The following AKT3 variants were observed in gnomAD, a reference collection of about 807,000 sequenced individuals.
AKT3 encodes the protein RAC-gamma serine/threonine-protein kinase.
AKT3 carries 15 observed loss-of-function variants against 65.3 expected under a neutral mutation model. The ratio of observed to expected loss-of-function variants is 0.23; its 90% CI spans 0.15 to 0.35. The LOEUF is 0.35. Among genes scored for constraint, AKT3 ranks in the 10% least tolerant of loss-of-function variants. AKT3 has a pLI of 1.00. For synonymous variants in AKT3, 206 were observed against 183.8 expected, an observed-to-expected ratio of 1.12 and a Z score of -0.98; for missense variants, 243 against 576.5, an observed-to-expected ratio of 0.42 and a Z score of 5.92.
intron 13 of AKT3, among the ~76,000 whole-genome samples, chr1:243,506,472 G>C (rs1227047628): frequency 6.6e-6 from 1 of 152,248 alleles, no homozygotes; most frequent in Non-Finnish European, 1.5e-5. Flanking sequence ...ATACAGGCCA[G>C]ATCCCACTGC....
At chr1:243,512,228 G>A in intron 13 of AKT3, 96 bp downstream of exon 13, 1 of 639,406 alleles carries the variant, frequency 1.6e-6, no homozygotes, top group South Asian at 2.3e-5. Flanking sequence ...ATTTGATCTT[G>A]AAAATATCAG....
chr1:243,636,231 T>A (rs1482404531), intron 6 of AKT3, among the ~76,000 whole-genome samples: 1 of 152,102 alleles, frequency 6.6e-6, no homozygotes, highest in South Asian at 2.1e-4. Context: ...TTTATAACAA[T>A]AGCATATTTT....
intron 12 of AKT3, among the ~76,000 whole-genome samples, chr1:243,539,546 T>C (rs1292984183): frequency 6.6e-6 from 1 of 152,106 alleles, no homozygotes; most frequent in Non-Finnish European, 1.5e-5. Flanking sequence ...ATAGATTCTT[T>C]CAAGTGTATA....
intron 9 of AKT3, among the ~76,000 whole-genome samples, chr1:243,565,257 A>G (rs1014420286): frequency 6.6e-6 from 1 of 152,188 alleles, no homozygotes; most frequent in Non-Finnish European, 1.5e-5. Flanking sequence ...TTTGAGACAG[A>G]GTCTCACTCT....
intron 2 of AKT3, among the ~76,000 whole-genome samples, chr1:243,822,049 A>T (rs985954218): frequency 6.6e-6 from 1 of 152,216 alleles, no homozygotes; most frequent in Non-Finnish European, 1.5e-5. Context: ...CTTCTAAGCA[A>T]ATGCAGGAAA....
At chr1:243,635,103 C>T (rs1679883578) in intron 6 of AKT3, among the ~76,000 whole-genome samples, 1 of 151,732 alleles carries the variant, frequency 6.6e-6, no homozygotes, top group Admixed American at 6.6e-5. Flanking sequence ...CTTTAAAAGA[C>T]AAATACAAAG....
chr1:243,576,790 G>T (rs1674974523), intron 8 of AKT3, among the ~76,000 whole-genome samples: 1 of 152,156 alleles, frequency 6.6e-6, no homozygotes. Context: ...TGGGAAAATG[G>T]CCATACTGGC....
At chr1:243,597,048 G>A (rs911947197) in intron 8 of AKT3, among the ~76,000 whole-genome samples, 2 of 152,202 alleles carry the variant, frequency 1.3e-5, no homozygotes, top group Non-Finnish European at 2.9e-5. Context: ...ACGTGTGGAT[G>A]TACTATGGGT....
chr1:243,831,646 A>G (rs1473753295), intron 2 of AKT3, among the ~76,000 whole-genome samples: 1 of 152,174 alleles, frequency 6.6e-6, no homozygotes, highest in Non-Finnish European at 1.5e-5. Context: ...AAGAGAGAAA[A>G]CACAAGTTCA....
intron 12 of AKT3, among the ~76,000 whole-genome samples, chr1:243,532,384 T>G (rs1367780506): frequency 1.3e-5 from 2 of 152,178 alleles, no homozygotes; most frequent in Admixed American, 1.3e-4. Context: ...AGGAGTGAAT[T>G]TTGTCAAATG....
chr1:243,785,312 T>C (rs960390432), intron 2 of AKT3, among the ~76,000 whole-genome samples: 1 of 151,826 alleles, frequency 6.6e-6, no homozygotes, highest in Non-Finnish European at 1.5e-5. Context: ...TCTCCTGACC[T>C]TGCGATCTGC....
At chr1:243,516,349 A>T (rs944217788) in intron 12 of AKT3, among the ~76,000 whole-genome samples, 2 of 152,216 alleles carry the variant, frequency 1.3e-5, no homozygotes, top group African/African-American at 4.8e-5. Flanking sequence ...CAGTGTCAAC[A>T]TTTATTATTT....
rs114854887 is a variant in AKT3 at position 243,603,547 on chromosome 1, T to A, written c.696+10124A>T. Among the ~76,000 whole-genome samples the A allele has an allele frequency of 5.2e-3, 791 of 152,256 alleles. 10 individuals carry two copies. Among genetic ancestry groups the A allele is most frequent in the African/African-American group, 0.018 (750 of 41,568 alleles). ...CTTACTCTGGCATTTCCAGGCACCA[T>A]CCTTGGCCACTGATGTTCTAACTGT... On this transcript the variant is annotated intron_variant, in intron 8 of 13. Transcript: ENST00000673466.
rs779840226 is a variant in AKT3, at chr1:243,563,883, T to C, written c.820-35A>G. 18 of 1,580,936 alleles carry C rather than the reference T, an allele frequency of 1.1e-5. No individual in the cohort carries two copies. In the East Asian group the frequency reaches 2.0e-4, roughly 18 times the overall value. ...AAGAAAAATGACATAATTTGTTCTA[T>C]AGTCTTCAACAACATGAAAATACCA... On this transcript the variant is annotated intron_variant, in intron 9 of 13. Coordinates refer to ENST00000673466, the MANE Select transcript of AKT3 (RefSeq NM_005465.7).
intron 12 of AKT3, among the ~76,000 whole-genome samples, chr1:243,535,432 A>G (rs1199595124): frequency 6.6e-6 from 1 of 151,936 alleles, no homozygotes; most frequent in Non-Finnish European, 1.5e-5. Context: ...ACCTCTGCAT[A>G]CCCATAGCTT....
intron 2 of AKT3, among the ~76,000 whole-genome samples, chr1:243,750,264 A>T (rs1378745116): frequency 4.6e-5 from 7 of 152,000 alleles, no homozygotes; most frequent in Admixed American, 4.6e-4. Context: ...TCCCTAATAA[A>T]CCAAATTTTA....
At chr1:243,779,793 T>A (rs1690791834) in intron 2 of AKT3, among the ~76,000 whole-genome samples, 1 of 152,136 alleles carries the variant, frequency 6.6e-6, no homozygotes, top group Non-Finnish European at 1.5e-5. Flanking sequence ...GAGACTGGAA[T>A]ATCTTGTTGT....
chr1:243,838,192 T>C (rs115462266), intron 2 of AKT3, among the ~76,000 whole-genome samples: 1,532 of 152,246 alleles, frequency 0.01, 29 homozygotes, highest in African/African-American at 0.036. Flanking sequence ...AAATAATACA[T>C]TGAAACTCTA....
At chr1:243,759,561 TA>T (rs1689362313) in intron 2 of AKT3, among the ~76,000 whole-genome samples, 1 of 150,748 alleles carries the variant, frequency 6.6e-6, no homozygotes, top group Admixed American at 6.6e-5. Context: ...AAAAAAAAAA[TA>T]AAAATTCAAG....
Sources: gnomAD v4.1 joint callset for allele counts (sites outside exome capture counted in the v4.1 genomes callset) on GRCh38, gnomAD v4.1.1 for gene constraint, MANE v1.5 for transcripts, NCBI Gene and HGNC (gene_info 2026-07-23, HGNC 2026-07-21) for gene names.